Variants in MALRD1 observed in about 807,000 individuals in gnomAD.
The protein encoded by MALRD1 is MAM and LDL receptor class A domain containing 1.
A neutral mutation model predicts 242.1 loss-of-function variants in MALRD1; 247 were observed. That is an observed-to-expected ratio of 1.02 (90% CI 0.92 to 1.13). The LOEUF (loss-of-function observed/expected upper bound fraction) is 1.13, where lower values mean the gene tolerates loss of function less well. MALRD1 is among the 50% of genes most tolerant of loss of function. The probability of loss-of-function intolerance (pLI) is 0.00; values close to 1 mark genes in which losing one functional copy is unlikely to be tolerated. For synonymous variants in MALRD1, 995 were observed against 866.6 expected (o/e 1.15, Z -2.60); for missense variants, 2,989 against 2,533.1 (o/e 1.18, Z -3.86).
chr10:19,686,757 T>C (rs1842600972), intron 36 of MALRD1, among the ~76,000 whole-genome samples: 1 of 152,018 alleles, frequency 6.6e-6, no homozygotes, highest in Non-Finnish European at 1.5e-5. Flanking sequence ...GCTATACAAT[T>C]TGTGGAGGGT....
chr10:19,123,313 G>C (rs1009138755), intron 5 of MALRD1, among the ~76,000 whole-genome samples, 179 bp from the exon 6 acceptor site: 1 of 151,806 alleles, frequency 6.6e-6, no homozygotes, highest in Non-Finnish European at 1.5e-5. Flanking sequence ...GTATGTGTGT[G>C]TGTGTGTGTG....
chr10:19,519,410 A>G (rs974291946), intron 31 of MALRD1, among the ~76,000 whole-genome samples: 1 of 152,214 alleles, frequency 6.6e-6, no homozygotes, highest in Non-Finnish European at 1.5e-5. Context: ...TAATATTACT[A>G]ATATTTCATA....
intron 21 of MALRD1, among the ~76,000 whole-genome samples, chr10:19,294,511 C>T (rs1184555899): frequency 6.6e-6 from 1 of 152,142 alleles, no homozygotes; most frequent in Non-Finnish European, 1.5e-5. Flanking sequence ...TTATCCTTAA[C>T]ATTAGTCATA....
At chr10:19,244,148 A>G (rs1452225759) in intron 18 of MALRD1, among the ~76,000 whole-genome samples, 1 of 152,200 alleles carries the variant, frequency 6.6e-6, no homozygotes, top group Non-Finnish European at 1.5e-5. Flanking sequence ...AGCATGTTAG[A>G]TGATTCCTAC....
At position 19,352,297 on chromosome 10, in the gene MALRD1, G is replaced by A. The variant is rs1176069355; in HGVS notation, c.4441G>A (p.Gly1481Ser). The A allele has an allele frequency of 6.8e-7, 1 of 1,472,298 alleles. No individual in the cohort carries two copies. The highest frequency in any genetic ancestry group is 9.0e-7 in the Non-Finnish European group (1 of 1,116,070). 91.2% of individuals were successfully genotyped at this position (1,472,298 alleles called of 1,614,324 possible). ...QEELAVPLPT[G>S]FCPLGYRECH... ...AGAACTGGCAGTGCCTCTTCCAACA[G>A]GTACATTCTAATCTGTGTGTGTGTG... The change falls in exon 26 of 40, where the codon GGT becomes AGT. Residue 1481 changes from glycine to serine, a missense_variant and splice_region_variant. Coordinates refer to ENST00000454679, the MANE Select transcript of MALRD1 (RefSeq NM_001142308.3).
chr10:19,141,021 G>A lies in MALRD1; in HGVS notation c.1411+4240G>A, dbSNP rs537304652. Among the ~76,000 whole-genome samples the A allele has an allele frequency of 7.9e-5, 12 of 152,212 alleles. No individual in the cohort carries two copies. The South Asian group carries it at 2.5e-3, about 32-fold the overall frequency. On this transcript the variant is annotated intron_variant, in intron 10 of 39. Transcript: ENST00000454679. ...GTAGTAATCCTTTCACTACGTATAT[G>A]TATATCAAAACATTACATTGCGTAC...
intron 38 of MALRD1, among the ~76,000 whole-genome samples, chr10:19,715,049 C>T (rs916569712): frequency 2.8e-4 from 43 of 152,232 alleles, no homozygotes; most frequent in African/African-American, 9.4e-4. Flanking sequence ...TAAATATGTA[C>T]GTGCACTCTT....
intron 1 of MALRD1, among the ~76,000 whole-genome samples, chr10:19,053,827 A>G (rs371408054): frequency 2.0e-5 from 3 of 152,134 alleles, no homozygotes; most frequent in East Asian, 3.8e-4. Flanking sequence ...TAAAAAAAAG[A>G]AAATAAGTTC....
At chr10:19,413,733 C>T (rs992350884) in intron 28 of MALRD1, among the ~76,000 whole-genome samples, 7 of 151,736 alleles carry the variant, frequency 4.6e-5, no homozygotes, top group Non-Finnish European at 1.0e-4. Context: ...CCTGTAATCC[C>T]AGTGCTTTGG....
intron 33 of MALRD1, among the ~76,000 whole-genome samples, chr10:19,570,713 C>A (rs2131471408): frequency 6.6e-6 from 1 of 151,932 alleles, no homozygotes; most frequent in Admixed American, 6.5e-5. Flanking sequence ...AGTGTGAAAC[C>A]AATTTTAATA....
At chr10:19,690,080 G>T (rs192678200) in intron 36 of MALRD1, among the ~76,000 whole-genome samples, 2 of 152,044 alleles carry the variant, frequency 1.3e-5, no homozygotes, top group East Asian at 1.9e-4. Context: ...GGAAATTTTT[G>T]GGGGGTAGTG....
chr10:19,701,061 A>C (rs1833602686), intron 38 of MALRD1, among the ~76,000 whole-genome samples: 1 of 152,158 alleles, frequency 6.6e-6, no homozygotes, highest in Non-Finnish European at 1.5e-5. Context: ...AGTTGAGTGG[A>C]TTGCTTGAGC....
chr10:19,402,836 A>G (rs950352063), intron 28 of MALRD1, among the ~76,000 whole-genome samples: 22 of 151,852 alleles, frequency 1.4e-4, no homozygotes, highest in Middle Eastern at 3.2e-3. Flanking sequence ...AAACACACAC[A>G]TGTAGATTTT....
rs550099787 is a variant in MALRD1, at chr10:19,073,019, A to G, written c.340+6160A>G. Among the ~76,000 whole-genome samples, 9 of 151,960 alleles carry G rather than the reference A, an allele frequency of 5.9e-5. No homozygotes were observed. In the South Asian group the frequency reaches 1.5e-3, roughly 25 times the overall value. On this transcript the variant is annotated intron_variant, in intron 2 of 39. Coordinates refer to ENST00000454679, the MANE Select transcript of MALRD1 (RefSeq NM_001142308.3). ...AACCTCCCCCTCCTGGATTCAAGCAATTCTCCTGCCTCAGGCCCTTGAGTA... is the reference window on the plus strand; with the variant it reads ...AACCTCCCCCTCCTGGATTCAAGCAGTTCTCCTGCCTCAGGCCCTTGAGTA...
intron 5 of MALRD1, among the ~76,000 whole-genome samples, chr10:19,111,129 G>A (rs537868181): frequency 1.4e-5 from 2 of 142,938 alleles, no homozygotes; most frequent in East Asian, 4.2e-4. Flanking sequence ...CTGGGACAAA[G>A]ACCAAGTAGA....
In MALRD1 at chr10:19,392,636, T is replaced by C. The variant is rs983060220; in HGVS notation, c.4845+3027T>C. ...TGGTTACATGAGAATTGCTTTTCATTAGAGAGATGTAACTGAAACAAATGT... is the reference window on the plus strand; with the variant it reads ...TGGTTACATGAGAATTGCTTTTCATCAGAGAGATGTAACTGAAACAAATGT... On this transcript the variant is annotated intron_variant, in intron 28 of 39. Transcript: ENST00000454679. Among the ~76,000 whole-genome samples the C allele has an allele frequency of 3.3e-5, 5 of 152,120 alleles. No homozygotes were observed. The South Asian group carries it at 6.2e-4, about 19-fold the overall frequency.
At chr10:19,634,291 A>G (rs1307259020) in intron 36 of MALRD1, among the ~76,000 whole-genome samples, 2 of 152,218 alleles carry the variant, frequency 1.3e-5, no homozygotes, top group Non-Finnish European at 2.9e-5. Flanking sequence ...AAGAAGAACG[A>G]AAATGTCAGC....
chr10:19,341,414 A>G (rs911247786), intron 24 of MALRD1, among the ~76,000 whole-genome samples: 2 of 149,586 alleles, frequency 1.3e-5, no homozygotes, highest in African/African-American at 4.9e-5. Context: ...AATATCAAAC[A>G]AAATAAGTAA....
At position 19,707,833 on chromosome 10, in the gene MALRD1, G is replaced by C. The variant is rs1405926954; in HGVS notation, c.6314+15279G>C. ...ATACAAAAATTGGCCAGGCATGGTG[G>C]CATGCACCAGCTACTTGGGGGCCTG... On this transcript the variant is annotated intron_variant, in intron 38 of 39. Transcript: ENST00000454679. Among the ~76,000 whole-genome samples, 3 of 118,876 alleles carry C rather than the reference G, an allele frequency of 2.5e-5. 1 individual carries two copies. The highest frequency in any genetic ancestry group is 8.0e-5 in the African/African-American group (3 of 37,656). 78.0% of individuals were successfully genotyped at this position (118,876 alleles called of 152,430 possible).
Sources: allele counts gnomAD v4.1 joint callset (sites outside exome capture counted in the v4.1 genomes callset), GRCh38; gene constraint gnomAD v4.1.1; transcripts MANE v1.5; gene names NCBI Gene and HGNC (gene_info 2026-07-23, HGNC 2026-07-21).